The following CTNNA2 variants were observed in gnomAD, a reference collection of about 807,000 sequenced individuals.
CTNNA2 encodes catenin alpha-2.
Under a neutral mutation model 101.0 loss-of-function variants are expected in CTNNA2, and 42 were observed. That is an observed-to-expected ratio of 0.42 (90% CI 0.32 to 0.54). The LOEUF (loss-of-function observed/expected upper bound fraction) is 0.54. CTNNA2 is among the 20% of genes least tolerant of loss of function. CTNNA2 has a pLI of 0.14. For synonymous variants in CTNNA2, 450 were observed against 456.4 expected, an observed-to-expected ratio of 0.99 and a Z score of 0.18; for missense variants, 871 against 1,223.1, an observed-to-expected ratio of 0.71 and a Z score of 4.29.
chr2:79,601,877 T>C lies in CTNNA2; in HGVS notation c.-5-49675T>C, dbSNP rs142998557. Among the ~76,000 whole-genome samples the C allele has an allele frequency of 2.7e-3, 413 of 152,354 alleles. 2 individuals carry two copies. The highest frequency in any genetic ancestry group is 9.3e-3 in the African/African-American group (385 of 41,586). On this transcript the variant is annotated intron_variant, in intron 1 of 18. Coordinates refer to ENST00000402739, the MANE Select transcript of CTNNA2 (RefSeq NM_001282597.3). ...GAAAATAACATGTTGAAGATGCATTTAATACATCTAACCTACTGAACATCA... is the reference window on the plus strand; with the variant it reads ...GAAAATAACATGTTGAAGATGCATTCAATACATCTAACCTACTGAACATCA...
chr2:80,388,776 T>G (rs1459543246), intron 7 of CTNNA2, among the ~76,000 whole-genome samples: 2 of 152,236 alleles, frequency 1.3e-5, no homozygotes, highest in Non-Finnish European at 2.9e-5. Context: ...TGCTTTCACT[T>G]CAGTTTGTTA....
chr2:80,050,827 C>T lies in CTNNA2; in HGVS notation c.1056+141030C>T, dbSNP rs761309148. Among the ~76,000 whole-genome samples the T allele has an allele frequency of 7.4e-4, 113 of 151,990 alleles. 1 individual carries two copies. Among genetic ancestry groups the T allele is most frequent in the Middle Eastern group, 3.4e-3 (1 of 294 alleles). On this transcript the variant is annotated intron_variant, in intron 7 of 18. Coordinates refer to ENST00000402739, the MANE Select transcript of CTNNA2 (RefSeq NM_001282597.3). ...GCAATCCTCCTGCCTCAGCTTCATCCTCTCACCTCAGGCCTTTAGCTGGGA... is the reference window on the plus strand; with the variant it reads ...GCAATCCTCCTGCCTCAGCTTCATCTTCTCACCTCAGGCCTTTAGCTGGGA...
intron 3 of CTNNA2, among the ~76,000 whole-genome samples, chr2:79,847,154 TCC>T (rs1491525060): frequency 6.7e-6 from 1 of 149,832 alleles, no homozygotes; most frequent in Non-Finnish European, 1.5e-5. Flanking sequence ...TAAACAAACT[TCC>T]CAAGATCTAC....
chr2:79,898,428 C>T (rs1047174841), intron 6 of CTNNA2, among the ~76,000 whole-genome samples: 5 of 152,070 alleles, frequency 3.3e-5, no homozygotes, highest in African/African-American at 9.7e-5. Flanking sequence ...AGCCACTGTG[C>T]CCGGCCGGTC....
intron 7 of CTNNA2, among the ~76,000 whole-genome samples, chr2:80,243,730 G>T (rs191951115): frequency 6.6e-6 from 1 of 152,210 alleles, no homozygotes; most frequent in African/African-American, 2.4e-5. Flanking sequence ...AGGGGCATTT[G>T]TGTACAAGTT....
chr2:79,863,478 G>C (rs1681792760), intron 4 of CTNNA2, among the ~76,000 whole-genome samples: 1 of 152,146 alleles, frequency 6.6e-6, no homozygotes, highest in South Asian at 2.1e-4. Context: ...GTCCAAGCTG[G>C]GGGCTGAAAG....
At chr2:79,395,413 C>T (rs949370642) in intron 4 of CTNNA2, among the ~76,000 whole-genome samples, 1 of 151,864 alleles carries the variant, frequency 6.6e-6, no homozygotes, top group East Asian at 2.0e-4. Flanking sequence ...CACAACAGTC[C>T]CTGGTGTGTG....
rs773307596 is a variant in CTNNA2 at position 80,419,563 on chromosome 2, G to A, written c.1252G>A (p.Ala418Thr). The change falls in exon 9 of 19, where the codon GCC becomes ACC. Residue 418 changes from alanine to threonine, a missense_variant. By Grantham distance (58) the Ala-to-Thr change is moderately conservative (BLOSUM62 0). This residue lies in a region of CTNNA2 where 647 missense variants were observed against 831.5 expected (regional missense o/e 0.78). Coordinates refer to ENST00000402739, the MANE Select transcript of CTNNA2 (RefSeq NM_001282597.3). ...AAATGAAAAGGAAGTGAAAGAATAT[G>A]CCCAAGTTTTCCGTGAGCATGCCAA... is the stretch of plus-strand genomic sequence containing the variant. Reference protein sequence around the residue: ...SGNEKEVKEYAQVFREHANKL... With the variant: ...SGNEKEVKEYTQVFREHANKL... 1.9e-6 allele frequency: 3 copies of A among 1,613,718 alleles called. No homozygotes were observed. Among genetic ancestry groups the A allele is most frequent in the South Asian group, 2.2e-5 (2 of 91,070 alleles).
At chr2:80,199,814 T>G (rs1399965474) in intron 7 of CTNNA2, among the ~76,000 whole-genome samples, 1 of 152,158 alleles carries the variant, frequency 6.6e-6, no homozygotes, top group African/African-American at 2.4e-5. Flanking sequence ...AGGTATGTCA[T>G]CATAAAGAAG....
chr2:80,117,787 A>G (rs998930174), intron 7 of CTNNA2, among the ~76,000 whole-genome samples: 1 of 152,176 alleles, frequency 6.6e-6, no homozygotes, highest in Non-Finnish European at 1.5e-5. Context: ...AAATGTTCAA[A>G]TAAGACCTCA....
intron 4 of CTNNA2, among the ~76,000 whole-genome samples, chr2:79,398,153 G>C (rs1186602751): frequency 5.3e-5 from 8 of 152,100 alleles, no homozygotes; most frequent in Admixed American, 4.6e-4. Context: ...AGGTGGGGAA[G>C]AGTAAAACTG....
At chr2:80,631,815 G>A (rs776392915) in intron 18 of CTNNA2, among the ~76,000 whole-genome samples, 1 of 152,168 alleles carries the variant, frequency 6.6e-6, no homozygotes, top group African/African-American at 2.4e-5. Context: ...TAGCTAGCAA[G>A]TTCTTCCTCC....
intron 8 of CTNNA2, among the ~76,000 whole-genome samples, chr2:80,398,557 T>C (rs1170724484): frequency 6.6e-6 from 1 of 151,728 alleles, no homozygotes; most frequent in East Asian, 2.0e-4. Context: ...GACAGCTAAA[T>C]AGAAATGGGA....
In CTNNA2 at chr2:79,209,483, T is replaced by C. The variant is rs146388495; in HGVS notation, c.-406+11407T>C. ...GAACTGGTTATAACATCTACCTGGT[T>C]CTCTCATTAAATGAGTAAAATACAA... On this transcript the variant is annotated intron_variant, in intron 2 of 21. Transcript: ENST00000466387. Among the ~76,000 whole-genome samples the C allele has an allele frequency of 5.4e-3, 818 of 152,354 alleles. 8 individuals carry two copies. The highest frequency in any genetic ancestry group is 0.019 in the African/African-American group (772 of 41,578).
At chr2:79,406,259 C>A (rs1352519776) in intron 4 of CTNNA2, among the ~76,000 whole-genome samples, 1 of 152,066 alleles carries the variant, frequency 6.6e-6, no homozygotes, top group African/African-American at 2.4e-5. Flanking sequence ...TTCAGAGTAA[C>A]AATCAAACTC....
chr2:80,553,522 A>G (rs1692768182), intron 11 of CTNNA2, among the ~76,000 whole-genome samples: 1 of 152,178 alleles, frequency 6.6e-6, no homozygotes, highest in South Asian at 2.1e-4. Flanking sequence ...GGTTTCTTAG[A>G]ATTTAAAAAC....
intron 2 of CTNNA2, among the ~76,000 whole-genome samples, chr2:79,238,269 G>A (rs903921157): frequency 7.9e-5 from 12 of 152,230 alleles, no homozygotes; most frequent in African/African-American, 2.9e-4. Context: ...TAGAGCAGTC[G>A]GAACACACAC....
chr2:80,533,682 G>A (rs554881089), intron 9 of CTNNA2, among the ~76,000 whole-genome samples: 3 of 152,116 alleles, frequency 2.0e-5, no homozygotes, highest in Non-Finnish European at 2.9e-5. Context: ...ATATATGAAG[G>A]TCAACATGTT....
chr2:79,409,417 GT>G (rs1678381335), intron 4 of CTNNA2, among the ~76,000 whole-genome samples: 1 of 152,220 alleles, frequency 6.6e-6, no homozygotes, highest in African/African-American at 2.4e-5. Flanking sequence ...TTTTTCTAGG[GT>G]TTTTATGGTT....
Sources: allele counts gnomAD v4.1 joint callset (sites outside exome capture counted in the v4.1 genomes callset), GRCh38; gene constraint gnomAD v4.1.1; regional missense constraint gnomAD v4.1.1; transcripts MANE v1.5; gene names NCBI Gene and HGNC (gene_info 2026-07-23, HGNC 2026-07-21).